Variants in CNBD1 observed in about 807,000 individuals in gnomAD.
CNBD1 encodes cyclic nucleotide-binding domain-containing protein 1.
In CNBD1, 71 loss-of-function variants were observed where a neutral mutation model predicts 54.4. The ratio of observed to expected loss-of-function variants is 1.30; its 90% CI spans 1.08 to 1.59. The LOEUF (loss-of-function observed/expected upper bound fraction) is 1.59, where lower values mean the gene tolerates loss of function less well. Among genes scored for constraint, CNBD1 ranks in the 40% most tolerant of loss-of-function variants. CNBD1 has a pLI of 0.00. For missense variants in CNBD1, 659 were observed against 518.0 expected (o/e 1.27, Z -2.64); for synonymous variants, 182 against 170.7 (o/e 1.07, Z -0.51).
intron 10 of CNBD1, among the ~76,000 whole-genome samples, chr8:87,379,386 A>G (rs959855600): frequency 3.9e-5 from 6 of 151,978 alleles, no homozygotes; most frequent in Non-Finnish European, 7.4e-5. Context: ...CGGACCTAGT[A>G]GACATCTACA....
intron 2 of CNBD1, among the ~76,000 whole-genome samples, chr8:87,426,116 A>G (rs907925332): frequency 1.3e-5 from 2 of 152,198 alleles, no homozygotes; most frequent in African/African-American, 2.4e-5. Flanking sequence ...TTTGACTAGG[A>G]AAGGGAACTC....
intron 8 of CNBD1, among the ~76,000 whole-genome samples, chr8:87,310,999 A>G (rs1474967699): frequency 6.6e-6 from 1 of 152,130 alleles, no homozygotes; most frequent in Non-Finnish European, 1.5e-5. Flanking sequence ...TAAGAACCCT[A>G]GGAGAAAACC....
At chr8:86,994,580 T>C (rs1808827699) in intron 4 of CNBD1, among the ~76,000 whole-genome samples, 1 of 152,236 alleles carries the variant, frequency 6.6e-6, no homozygotes, top group Non-Finnish European at 1.5e-5. Flanking sequence ...GGTTCCCTTG[T>C]AGCTAGCATC....
intron 3 of CNBD1, among the ~76,000 whole-genome samples, chr8:86,911,769 C>T (rs567808638): frequency 6.6e-6 from 1 of 152,070 alleles, no homozygotes; most frequent in South Asian, 2.1e-4. Context: ...AATAAAATTG[C>T]AGGATACAAG....
Position 87,155,911 on chromosome 8 carries a change from A to G in CNBD1, c.432-50082A>G, listed in dbSNP as rs111479755. On this transcript the variant is annotated intron_variant, in intron 4 of 10. Coordinates refer to ENST00000518476, the MANE Select transcript of CNBD1 (RefSeq NM_173538.3). The stretch of plus-strand genomic sequence containing the variant: ...GCATTACATTAAACACTTTACACAC[A>G]TGCTCTCATTTAATTCTCATGAAAA... 8.5e-5 allele frequency among the ~76,000 whole-genome samples: 13 copies of G among 152,214 alleles called. 1 individual carries two copies. The highest frequency in any genetic ancestry group is 2.9e-4 in the African/African-American group (12 of 41,542).
chr8:87,329,721 A>G (rs964342528), intron 8 of CNBD1, among the ~76,000 whole-genome samples: 14 of 151,870 alleles, frequency 9.2e-5, no homozygotes, highest in Non-Finnish European at 2.1e-4. Context: ...GTATATAGGG[A>G]AGAATTGACT....
intron 4 of CNBD1, among the ~76,000 whole-genome samples, chr8:87,035,992 AAC>A (rs1430292847): frequency 6.6e-6 from 1 of 152,238 alleles, no homozygotes; most frequent in Non-Finnish European, 1.5e-5. Context: ...TACAGGCCAG[AAC>A]TCAGTCATGT....
chr8:86,941,832 C>T (rs903432717), intron 4 of CNBD1, among the ~76,000 whole-genome samples: 1 of 152,164 alleles, frequency 6.6e-6, no homozygotes, highest in African/African-American at 2.4e-5. Context: ...TATTTAATGG[C>T]CTGTTTCCAA....
intron 8 of CNBD1, among the ~76,000 whole-genome samples, chr8:87,322,478 T>A (rs1479648881): frequency 7.4e-5 from 9 of 122,446 alleles, no homozygotes; most frequent in Non-Finnish European, 1.6e-4. Context: ...GTTTCCTGAC[T>A]TTTTAATGAT....
At chr8:87,049,400 T>A (rs76068758) in intron 4 of CNBD1, among the ~76,000 whole-genome samples, 2,388 of 152,304 alleles carry the variant, frequency 0.016, 20 homozygotes, top group Non-Finnish European at 0.021. Flanking sequence ...AAATGTTAAC[T>A]GCCTTTCCTT....
chr8:87,297,345 C>T (rs1326676027), intron 8 of CNBD1, among the ~76,000 whole-genome samples: 1 of 151,920 alleles, frequency 6.6e-6, no homozygotes, highest in Non-Finnish European at 1.5e-5. Context: ...TACAGCGTAT[C>T]TCTATTTGAT....
intron 1 of CNBD1, among the ~76,000 whole-genome samples, chr8:86,877,142 T>C (rs1808532469): frequency 6.6e-6 from 1 of 152,060 alleles, no homozygotes; most frequent in Non-Finnish European, 1.5e-5. Context: ...TGTTATTAAA[T>C]ATTATTTTTA....
In CNBD1 at chr8:86,939,590, G is replaced by A; in HGVS notation, c.273-6G>A. 6.4e-7 allele frequency: 1 copy of A among 1,567,984 alleles called. No individual in the cohort carries two copies. The highest frequency in any genetic ancestry group is 8.6e-7 in the Non-Finnish European group (1 of 1,160,188). On this transcript the variant is annotated splice_polypyrimidine_tract_variant and splice_region_variant and intron_variant, in intron 3 of 10. Coordinates refer to ENST00000518476, the MANE Select transcript of CNBD1 (RefSeq NM_173538.3). ...ACAGCATAAAATACTATATTTTCTT[G>A]TTCAGGGAACTCAATGAAGGCAAAG...
intron 3 of CNBD1, among the ~76,000 whole-genome samples, chr8:86,930,032 G>A (rs1809429795): frequency 6.6e-6 from 1 of 152,110 alleles, no homozygotes; most frequent in African/African-American, 2.4e-5. Flanking sequence ...AGGTTTTGAA[G>A]GCTGTTTCCA....
intron 4 of CNBD1, among the ~76,000 whole-genome samples, chr8:87,082,285 A>G (rs1811011893): frequency 6.6e-6 from 1 of 151,856 alleles, no homozygotes; most frequent in Non-Finnish European, 1.5e-5. Context: ...CTTTAACTGT[A>G]ATTTTCCACT....
chr8:86,984,290 A>C (rs1181424027), intron 4 of CNBD1, among the ~76,000 whole-genome samples: 6 of 152,190 alleles, frequency 3.9e-5, no homozygotes, highest in Non-Finnish European at 5.9e-5. Context: ...AGAAACACCT[A>C]GATACCCAGG....
At chr8:87,338,084 A>G (rs1404495734) in intron 8 of CNBD1, among the ~76,000 whole-genome samples, 1 of 152,186 alleles carries the variant, frequency 6.6e-6, no homozygotes, top group Admixed American at 6.5e-5. Flanking sequence ...AGGTTGCCTT[A>G]AAGTTTGCAA....
chr8:87,414,000 G>A (rs1807795855), intron 2 of CNBD1, among the ~76,000 whole-genome samples: 2 of 152,150 alleles, frequency 1.3e-5, no homozygotes, highest in South Asian at 4.2e-4. Flanking sequence ...AATACCATTT[G>A]ACCCAGCCAT....
intron 4 of CNBD1, among the ~76,000 whole-genome samples, chr8:87,113,055 A>G (rs754425693): frequency 6.6e-6 from 1 of 152,158 alleles, no homozygotes; most frequent in Non-Finnish European, 1.5e-5. Context: ...CATCATAGAG[A>G]CTGTCCTCTC....
Sources: allele counts gnomAD v4.1 joint callset (sites outside exome capture counted in the v4.1 genomes callset), GRCh38; gene constraint gnomAD v4.1.1; transcripts MANE v1.5; gene names NCBI Gene and HGNC (gene_info 2026-07-23, HGNC 2026-07-21).